SMG7: variants seen among roughly 807,000 people sequenced by gnomAD.
The protein encoded by SMG7 is SMG7 nonsense mediated mRNA decay factor.
Under a neutral mutation model 148.2 loss-of-function variants are expected in SMG7, and 34 were observed. The observed-to-expected ratio is 0.23, with a 90% confidence interval of 0.17 to 0.31. The LOEUF (loss-of-function observed/expected upper bound fraction) is 0.31, where lower values mean the gene tolerates loss of function less well. Among genes scored for constraint, SMG7 ranks in the 10% least tolerant of loss-of-function variants. The pLI, the probability that SMG7 is intolerant of heterozygous loss-of-function variation, is 1.00. For missense variants in SMG7, 1,114 were observed against 1,408.4 expected (o/e 0.79, Z 3.35); for synonymous variants, 492 against 515.1 (o/e 0.96, Z 0.61).
At chr1:183,477,788 G>A (rs1476076458) in intron 1 of SMG7, among the ~76,000 whole-genome samples, 1 of 151,898 alleles carries the variant, frequency 6.6e-6, no homozygotes, top group Non-Finnish European at 1.5e-5. Flanking sequence ...ATGTGTGTAT[G>A]TATACATATA....
In SMG7 at chr1:183,529,134, G is replaced by T. The variant is rs563683361; in HGVS notation, c.707+92G>T. The T allele has an allele frequency of 5.0e-6, 6 of 1,210,896 alleles. No homozygotes were observed. The African/African-American group carries it at 9.1e-5, about 18-fold the overall frequency. The allele number at this position is 1,210,896 out of a possible 1,614,324, so 75.0% of individuals were successfully genotyped here. ...ATAATTTGGTTTACAGAAAATAACG[G>T]CCTATGCTTCTCTTATTTCTAAACA... On this transcript the variant is annotated intron_variant, in intron 7 of 22. Coordinates refer to ENST00000688051, the MANE Select transcript of SMG7 (RefSeq NM_001375584.1).
At chr1:183,491,932 G>C (rs1285537570) in intron 1 of SMG7, among the ~76,000 whole-genome samples, 1 of 152,142 alleles carries the variant, frequency 6.6e-6, no homozygotes, top group Non-Finnish European at 1.5e-5. Flanking sequence ...TGGCAGAAGG[G>C]ATGGAAGGGC....
chr1:183,529,800 C>T (rs1463092987), intron 8 of SMG7, among the ~76,000 whole-genome samples: 1 of 152,048 alleles, frequency 6.6e-6, no homozygotes. Flanking sequence ...ATAAATAACT[C>T]CTCAGTTTTG....
intron 1 of SMG7, among the ~76,000 whole-genome samples, chr1:183,476,576 A>G (rs1477266392): frequency 6.6e-6 from 1 of 152,184 alleles, no homozygotes; most frequent in African/African-American, 2.4e-5. Context: ...ATTAGTCTCA[A>G]GTTATAAAAA....
intron 15 of SMG7, 38 bp downstream of exon 15, chr1:183,544,535 C>T: frequency 1.2e-6 from 2 of 1,600,664 alleles, no homozygotes; most frequent in Non-Finnish European, 1.7e-6. Context: ...TTAATCTTTT[C>T]TGTGCAAGAA....
chr1:183,543,091 G>C lies in SMG7; in HGVS notation c.1842+589G>C, dbSNP rs140112394. ...TGGGAATTTATAAAGGAAGAACCCA[G>C]GTTTCTTGCTGGGAAAAGATAAGCA... On this transcript the variant is annotated intron_variant, in intron 14 of 22. Coordinates refer to ENST00000688051, the MANE Select transcript of SMG7 (RefSeq NM_001375584.1). 2.0e-5 allele frequency among the ~76,000 whole-genome samples: 3 copies of C among 151,984 alleles called. No individual in the cohort carries two copies. The East Asian group carries it at 5.8e-4, about 29-fold the overall frequency.
chr1:183,474,818 A>T (rs183642451), intron 1 of SMG7, among the ~76,000 whole-genome samples: 25 of 152,324 alleles, frequency 1.6e-4, no homozygotes, highest in Middle Eastern at 3.4e-3. Context: ...AGAAAATGGC[A>T]CTTAGGATAT....
At chr1:183,521,103 T>C (rs1410191983) in intron 4 of SMG7, among the ~76,000 whole-genome samples, 2 of 151,308 alleles carry the variant, frequency 1.3e-5, no homozygotes, top group African/African-American at 4.9e-5. Flanking sequence ...GACAGAGTCT[T>C]GCTCTGTTGC....
At chr1:183,528,170 C>T (rs559459864) in intron 6 of SMG7, 143 bp downstream of exon 6, 1 of 455,824 alleles carries the variant, frequency 2.2e-6, no homozygotes, top group Admixed American at 4.1e-5. Context: ...TTTAACTGTA[C>T]ATTCCATGTA....
intron 1 of SMG7, among the ~76,000 whole-genome samples, chr1:183,482,602 A>C (rs1057100658): frequency 6.6e-6 from 1 of 152,162 alleles, no homozygotes; most frequent in African/African-American, 2.4e-5. Flanking sequence ...ACAGTACAAT[A>C]TATTTTGAGA....
intron 4 of SMG7, among the ~76,000 whole-genome samples, chr1:183,524,640 G>T (rs902432468): frequency 6.6e-6 from 1 of 152,176 alleles, no homozygotes; most frequent in African/African-American, 2.4e-5. Context: ...GTACATGCTA[G>T]AAAGAGTGGT....
intron 1 of SMG7, chr1:183,502,395 G>A: frequency 6.5e-7 from 1 of 1,531,158 alleles, no homozygotes. Flanking sequence ...ATATTAGGTA[G>A]GATGAAAATT....
chr1:183,514,983 C>A (rs549317625), intron 2 of SMG7, among the ~76,000 whole-genome samples: 1 of 152,246 alleles, frequency 6.6e-6, no homozygotes, highest in South Asian at 2.1e-4. Flanking sequence ...AGTAGCCCAG[C>A]TAGTTATGGG....
Position 183,546,012 on chromosome 1 carries a change from T to G in SMG7, c.2417T>G (p.Val806Gly). ...ASKQLWNPPQ[V>G]QGPLGKIMPV... ...AAACAGCTGTGGAATCCCCCTCAGG[T>G]TCAAGGCCCATTAGGGAAAATTATG... is the stretch of plus-strand genomic sequence containing the variant. The change falls in exon 17 of 23, where the codon GTT (valine) becomes GGT (glycine). Residue 806 changes from valine (V) to glycine (G), a missense_variant. Transcript: ENST00000688051. The G allele has an allele frequency of 6.2e-7, 1 of 1,613,590 alleles. No homozygotes were observed. The highest frequency in any genetic ancestry group is 8.5e-7 in the Non-Finnish European group (1 of 1,179,790).
intron 1 of SMG7, among the ~76,000 whole-genome samples, chr1:183,488,107 C>T (rs1329260279): frequency 6.6e-6 from 1 of 152,184 alleles, no homozygotes; most frequent in Non-Finnish European, 1.5e-5. Context: ...GAAGCCAGCT[C>T]TGTTATGTGA....
chr1:183,522,388 A>G (rs1474402942), intron 4 of SMG7, among the ~76,000 whole-genome samples: 1 of 152,246 alleles, frequency 6.6e-6, no homozygotes, highest in Non-Finnish European at 1.5e-5. Flanking sequence ...AGAGAAAAAC[A>G]TCTGAATAAG....
At chr1:183,551,781 T>C in intron 22 of SMG7, 37 bp from the exon 23 acceptor site, 1 of 1,518,490 alleles carries the variant, frequency 6.6e-7, no homozygotes, top group Non-Finnish European at 8.9e-7. Context: ...CAACTTGGCA[T>C]TTGACCTCTG....
intron 1 of SMG7, among the ~76,000 whole-genome samples, chr1:183,505,363 C>A (rs927307502): frequency 6.6e-6 from 1 of 152,134 alleles, no homozygotes; most frequent in Non-Finnish European, 1.5e-5. Context: ...ACTACTCTTC[C>A]TTTTTGTTCT....
chr1:183,545,843 G>T, intron 16 of SMG7, 123 bp from the exon 17 acceptor site: 1 of 1,130,838 alleles, frequency 8.8e-7, no homozygotes. Context: ...AAAGGAAACT[G>T]CTGCCTTGCC....
Sources: gnomAD v4.1 joint callset for allele counts (sites outside exome capture counted in the v4.1 genomes callset) on GRCh38, gnomAD v4.1.1 for gene constraint, MANE v1.5 for transcripts, NCBI Gene and HGNC (gene_info 2026-07-23, HGNC 2026-07-21) for gene names.